Variants in DOCK3 observed in about 807,000 individuals in gnomAD.
DOCK3 encodes the protein dedicator of cytokinesis protein 3.
In DOCK3, 60 loss-of-function variants were observed where a neutral mutation model predicts 265.6. The ratio of observed to expected loss-of-function variants is 0.23; its 90% CI spans 0.18 to 0.28. The LOEUF (loss-of-function observed/expected upper bound fraction) is 0.28, where lower values mean the gene tolerates loss of function less well. Among genes scored for constraint, DOCK3 ranks in the 10% least tolerant of loss-of-function variants. DOCK3 has a pLI of 1.00. For synonymous variants in DOCK3, 881 were observed against 938.0 expected, an observed-to-expected ratio of 0.94 and a Z score of 1.11; for missense variants, 1,981 against 2,594.3, an observed-to-expected ratio of 0.76 and a Z score of 5.14.
chr3:50,729,695 T>C lies in DOCK3; in HGVS notation c.38-48980T>C, dbSNP rs9817912. On this transcript the variant is annotated intron_variant, in intron 1 of 52. Transcript: ENST00000266037. ...ACACCACCATACCAGACTAATTAATTTTTTTTTAATAGATGGGATCTCGCC... is the reference window on the plus strand; with the variant it reads ...ACACCACCATACCAGACTAATTAATCTTTTTTTAATAGATGGGATCTCGCC... 3.4e-3 allele frequency among the ~76,000 whole-genome samples: 523 copies of C among 151,830 alleles called. 4 individuals carry two copies. The highest frequency in any genetic ancestry group is 0.012 in the African/African-American group (504 of 41,418).
intron 12 of DOCK3, among the ~76,000 whole-genome samples, chr3:51,163,402 C>CAAA: frequency 7.8e-6 from 1 of 127,918 alleles, no homozygotes; most frequent in South Asian, 2.5e-4. Flanking sequence ...AAGAAAATAG[C>CAAA]AAAAAAAAAA....
At chr3:51,171,178 G>A (rs1227747287) in intron 12 of DOCK3, among the ~76,000 whole-genome samples, 1 of 152,006 alleles carries the variant, frequency 6.6e-6, no homozygotes, top group Non-Finnish European at 1.5e-5. Flanking sequence ...ATTTATTACT[G>A]TAAATGTTTC....
chr3:51,310,375 TA>T (rs772613511), intron 28 of DOCK3, 49 bp downstream of exon 28: 1 of 1,460,924 alleles, frequency 6.8e-7, no homozygotes, highest in South Asian at 1.2e-5. Flanking sequence ...GTTCTCAGAC[TA>T]AGAAGAGTAT....
At chr3:50,873,105 G>C (rs146148055) in intron 3 of DOCK3, among the ~76,000 whole-genome samples, 34 of 152,262 alleles carry the variant, frequency 2.2e-4, no homozygotes, top group Admixed American at 5.2e-4. Flanking sequence ...CAGGCAGAAG[G>C]CTTGCCCGGT....
chr3:50,852,770 T>C (rs2046402725), intron 3 of DOCK3, among the ~76,000 whole-genome samples: 2 of 152,198 alleles, frequency 1.3e-5, no homozygotes, highest in Non-Finnish European at 2.9e-5. Context: ...TGTTATCCTA[T>C]TCATTTTACT....
rs1345823621 is a variant in DOCK3, at chr3:51,378,918, A to G, written c.5501-1207A>G. 2.6e-5 allele frequency among the ~76,000 whole-genome samples: 4 copies of G among 152,150 alleles called. No individual in the cohort carries two copies. In the South Asian group the frequency reaches 6.2e-4, roughly 24 times the overall value. On this transcript the variant is annotated intron_variant, in intron 51 of 52. Transcript: ENST00000266037. ...TGGGGTTCTGTAGACGCCAAAGGGTACTCATCGGCTCCACAGCCCTCCCTC... is the reference window on the plus strand; with the variant it reads ...TGGGGTTCTGTAGACGCCAAAGGGTGCTCATCGGCTCCACAGCCCTCCCTC...
intron 10 of DOCK3, among the ~76,000 whole-genome samples, chr3:51,147,499 C>T (rs1254339628): frequency 6.6e-6 from 1 of 152,202 alleles, no homozygotes; most frequent in Non-Finnish European, 1.5e-5. Context: ...CCTGACCCCA[C>T]ACCACAACAG....
chr3:50,836,202 A>C (rs987408903), intron 2 of DOCK3, among the ~76,000 whole-genome samples: 2 of 152,186 alleles, frequency 1.3e-5, no homozygotes, highest in Non-Finnish European at 2.9e-5. Context: ...AGCTCCACTA[A>C]GCAGTGCCCC....
At chr3:51,008,497 A>G (rs75051563) in intron 5 of DOCK3, among the ~76,000 whole-genome samples, 137,276 of 152,284 alleles carry the variant, frequency 0.9, 62,068 homozygotes, top group African/African-American at 0.95. Context: ...ATACTTTGCC[A>G]AAGTTGCTTA....
At chr3:51,320,053 C>T (rs1445539131) in intron 32 of DOCK3, among the ~76,000 whole-genome samples, 5 of 151,732 alleles carry the variant, frequency 3.3e-5, no homozygotes, top group Non-Finnish European at 7.4e-5. Flanking sequence ...ATAGGAACAG[C>T]TCTGGTCTGT....
intron 9 of DOCK3, among the ~76,000 whole-genome samples, chr3:51,130,002 T>C (rs1299679217): frequency 1.3e-5 from 2 of 152,206 alleles, no homozygotes; most frequent in African/African-American, 2.4e-5. Flanking sequence ...CCACTAGGCA[T>C]TGTGTCTCTT....
At chr3:51,077,916 A>C (rs562387522) in intron 7 of DOCK3, among the ~76,000 whole-genome samples, 1 of 152,298 alleles carries the variant, frequency 6.6e-6, no homozygotes, top group South Asian at 2.1e-4. Context: ...AGTGAAACCC[A>C]GTGGCCATAC....
intron 39 of DOCK3, among the ~76,000 whole-genome samples, chr3:51,349,924 G>A (rs1181218931): frequency 6.6e-6 from 1 of 152,168 alleles, no homozygotes; most frequent in Non-Finnish European, 1.5e-5. Context: ...GTGAGTATTG[G>A]TCAAAACCAG....
At chr3:50,732,417 A>T (rs2108134905) in intron 1 of DOCK3, among the ~76,000 whole-genome samples, 1 of 152,232 alleles carries the variant, frequency 6.6e-6, no homozygotes, top group East Asian at 1.9e-4. Context: ...AACTTAAAAA[A>T]AAAAAAGTCA....
At chr3:51,234,336 G>A (rs992375938) in intron 19 of DOCK3, among the ~76,000 whole-genome samples, 7 of 151,970 alleles carry the variant, frequency 4.6e-5, no homozygotes, top group Non-Finnish European at 1.0e-4. Flanking sequence ...CTTTTTGATT[G>A]CGTTGTTTTC....
chr3:50,763,868 A>G (rs1320456978), intron 1 of DOCK3, among the ~76,000 whole-genome samples: 3 of 152,156 alleles, frequency 2.0e-5, no homozygotes, highest in African/African-American at 4.8e-5. Context: ...TCAGTTTTCA[A>G]ATTGACTATG....
intron 1 of DOCK3, among the ~76,000 whole-genome samples, chr3:50,766,659 A>G (rs1301319485): frequency 6.6e-6 from 1 of 152,128 alleles, no homozygotes; most frequent in Non-Finnish European, 1.5e-5. Flanking sequence ...GGCTGGGTCA[A>G]ATGGTATTTC....
At chr3:51,251,704 T>G (rs1424318715) in intron 22 of DOCK3, among the ~76,000 whole-genome samples, 1 of 152,204 alleles carries the variant, frequency 6.6e-6, no homozygotes, top group Non-Finnish European at 1.5e-5. Context: ...CTTCGCCCAC[T>G]TTTTGATGGT....
intron 36 of DOCK3, 97 bp downstream of exon 36, chr3:51,338,516 GCCTAAGGGTTTGAATCAGGA>G (rs2085014926): frequency 7.2e-7 from 1 of 1,397,072 alleles, no homozygotes; most frequent in African/African-American, 1.4e-5. Context: ...ATGGCTGCAG[GCCTAAGGGTTTGAATCAGGA>G]CATCAGCTCT....
Sources: gnomAD v4.1 joint callset for allele counts (sites outside exome capture counted in the v4.1 genomes callset) on GRCh38, gnomAD v4.1.1 for gene constraint, MANE v1.5 for transcripts, NCBI Gene and HGNC (gene_info 2026-07-23, HGNC 2026-07-21) for gene names.